The following ZNF385D variants were observed in gnomAD, a reference collection of about 807,000 sequenced individuals.
The protein encoded by ZNF385D is zinc finger protein 659.
In ZNF385D, 15 loss-of-function variants were observed where a neutral mutation model predicts 35.8. The ratio of observed to expected loss-of-function variants is 0.42; its 90% CI spans 0.28 to 0.64. ZNF385D has a LOEUF of 0.64. ZNF385D is among the 30% of genes least tolerant of loss of function. The probability of loss-of-function intolerance (pLI) is 0.23; values close to 1 mark genes in which losing one functional copy is unlikely to be tolerated. For synonymous variants in ZNF385D, 212 were observed against 186.8 expected (o/e 1.13, Z -1.10); for missense variants, 474 against 494.6 (o/e 0.96, Z 0.39).
intron 3 of ZNF385D, among the ~76,000 whole-genome samples, chr3:22,005,173 A>C (rs1696125081): frequency 6.6e-6 from 1 of 151,992 alleles, no homozygotes; most frequent in Non-Finnish European, 1.5e-5. Flanking sequence ...GCCCACAGGT[A>C]CATGAAAAAA....
intron 3 of ZNF385D, among the ~76,000 whole-genome samples, chr3:22,013,100 G>A (rs1696675440): frequency 6.6e-6 from 1 of 152,072 alleles, no homozygotes; most frequent in Admixed American, 6.6e-5. Context: ...AAACCCCAAA[G>A]AGCTAAGAAA....
chr3:21,454,931 T>C (rs182858427), intron 4 of ZNF385D, among the ~76,000 whole-genome samples: 280 of 152,150 alleles, frequency 1.8e-3, no homozygotes, highest in Non-Finnish European at 2.9e-3. Context: ...CACAAGCATT[T>C]TTATACACCA....
intron 2 of ZNF385D, among the ~76,000 whole-genome samples, chr3:22,233,845 C>T (rs1699031090): frequency 6.6e-6 from 1 of 152,048 alleles, no homozygotes; most frequent in Non-Finnish European, 1.5e-5. Flanking sequence ...TATTAAGAAA[C>T]AATTTAATGG....
chr3:21,816,519 A>T (rs9851928), intron 3 of ZNF385D, among the ~76,000 whole-genome samples: 2,554 of 152,254 alleles, frequency 0.017, 78 homozygotes, highest in African/African-American at 0.058. Flanking sequence ...TATCACAAGC[A>T]TTCCTATGCA....
At chr3:22,344,055 T>A (rs1695541170) in intron 2 of ZNF385D, among the ~76,000 whole-genome samples, 1 of 152,130 alleles carries the variant, frequency 6.6e-6, no homozygotes, top group Admixed American at 6.5e-5. Context: ...TAGGGATCCC[T>A]CTTTGCAGTG....
At chr3:21,825,166 G>T (rs539183864) in intron 3 of ZNF385D, among the ~76,000 whole-genome samples, 19 of 152,076 alleles carry the variant, frequency 1.2e-4, no homozygotes, top group Non-Finnish European at 2.1e-4. Flanking sequence ...ACATACAAAC[G>T]CAAACCAGAA....
chr3:21,606,607 C>A, intron 2 of ZNF385D, among the ~76,000 whole-genome samples: 1 of 152,218 alleles, frequency 6.6e-6, no homozygotes, highest in East Asian at 1.9e-4. Flanking sequence ...GGTCTCCTAA[C>A]TCCCAGAACA....
intron 1 of ZNF385D, among the ~76,000 whole-genome samples, chr3:21,701,928 G>T (rs1220784046): frequency 6.6e-6 from 1 of 152,170 alleles, no homozygotes; most frequent in African/African-American, 2.4e-5. Flanking sequence ...TGGCTTTCCA[G>T]GGTATAGCCC....
At chr3:21,914,036 AT>A (rs2125916628) in intron 3 of ZNF385D, among the ~76,000 whole-genome samples, 1 of 152,214 alleles carries the variant, frequency 6.6e-6, no homozygotes, top group South Asian at 2.1e-4. Context: ...GCTGTTAGGC[AT>A]TTAGTTAATA....
At chr3:22,155,184 T>C (rs1705507300) in intron 3 of ZNF385D, among the ~76,000 whole-genome samples, 1 of 152,088 alleles carries the variant, frequency 6.6e-6, no homozygotes, top group South Asian at 2.1e-4. Context: ...TCTATAATTA[T>C]TGTGTATCAA....
intron 3 of ZNF385D, among the ~76,000 whole-genome samples, chr3:22,156,616 C>T (rs895650247): frequency 5.3e-5 from 8 of 152,082 alleles, no homozygotes; most frequent in Non-Finnish European, 1.2e-4. Flanking sequence ...TGTTAGAATA[C>T]AAACAGATGG....
chr3:21,699,823 C>CTTT lies in ZNF385D; in HGVS notation c.23-34798_23-34796dup, dbSNP rs1006362754. Among the ~76,000 whole-genome samples the CTTT allele has an allele frequency of 2.8e-3, 250 of 88,850 alleles. 1 individual carries two copies. The highest frequency in any genetic ancestry group is 4.3e-3 in the African/African-American group (88 of 20,664). 58.3% of individuals were successfully genotyped at this position (88,850 alleles called of 152,430 possible). A position where few individuals can be genotyped will look rare whatever the true frequency, so the allele number is the denominator to read the frequency against. On this transcript the variant is annotated intron_variant, in intron 1 of 7. Coordinates refer to ENST00000281523, the MANE Select transcript of ZNF385D (RefSeq NM_024697.3). ...TGTGGTTCATGTTATGTTTCTTTTC[C>CTTT]TTTTTTTTTTTTTTTTTTTTTTTTT... is the stretch of plus-strand genomic sequence containing the variant.
At chr3:22,100,472 G>C (rs1013699123) in intron 3 of ZNF385D, among the ~76,000 whole-genome samples, 1 of 151,688 alleles carries the variant, frequency 6.6e-6, no homozygotes, top group Non-Finnish European at 1.5e-5. Flanking sequence ...AGAAAATGTG[G>C]CACATATACA....
chr3:22,331,582 G>A (rs931235457), intron 2 of ZNF385D, among the ~76,000 whole-genome samples: 1 of 152,058 alleles, frequency 6.6e-6, no homozygotes, highest in Non-Finnish European at 1.5e-5. Context: ...ATTTAGACAT[G>A]TATCTCCAAA....
intron 2 of ZNF385D, among the ~76,000 whole-genome samples, chr3:22,343,931 T>TAA (rs202126238): frequency 6.6e-6 from 1 of 151,736 alleles, no homozygotes; most frequent in Non-Finnish European, 1.5e-5. Flanking sequence ...CCACATCCAT[T>TAA]AAAAAAAATG....
chr3:21,738,194 G>A (rs2069340039), intron 1 of ZNF385D, among the ~76,000 whole-genome samples: 1 of 152,182 alleles, frequency 6.6e-6, no homozygotes, highest in African/African-American at 2.4e-5. Context: ...AACAACTGCT[G>A]CTCTATTGGA....
intron 2 of ZNF385D, among the ~76,000 whole-genome samples, chr3:22,191,893 C>T (rs1426747799): frequency 7.4e-6 from 1 of 136,042 alleles, no homozygotes; most frequent in African/African-American, 3.1e-5. Context: ...TATTAAATAA[C>T]TCTGAGGTAC....
intron 4 of ZNF385D, among the ~76,000 whole-genome samples, chr3:21,476,109 G>T (rs1704226643): frequency 1.3e-5 from 2 of 152,138 alleles, no homozygotes; most frequent in African/African-American, 4.8e-5. Context: ...TGCAGTATTA[G>T]ACTTTTAAAC....
chr3:21,590,458 A>G (rs1400402037), intron 2 of ZNF385D, among the ~76,000 whole-genome samples: 1 of 152,164 alleles, frequency 6.6e-6, no homozygotes, highest in Non-Finnish European at 1.5e-5. Flanking sequence ...TATACTTTGT[A>G]TATTTGTATA....
Sources: allele counts gnomAD v4.1 joint callset (sites outside exome capture counted in the v4.1 genomes callset), GRCh38; gene constraint gnomAD v4.1.1; transcripts MANE v1.5; gene names NCBI Gene and HGNC (gene_info 2026-07-23, HGNC 2026-07-21).